Variants in ARSG observed in about 807,000 individuals in gnomAD.
ARSG encodes the protein arylsulfatase G, also known as ASG.
In ARSG, 37 loss-of-function variants were observed where a neutral mutation model predicts 50.5. That is an observed-to-expected ratio of 0.73 (90% CI 0.56 to 0.96). ARSG has a LOEUF of 0.96. Among genes scored for constraint, ARSG ranks in the 50% least tolerant of loss-of-function variants. The pLI, the probability that ARSG is intolerant of heterozygous loss-of-function variation, is 0.00. For synonymous variants in ARSG, 225 were observed against 254.6 expected (o/e 0.88, Z 1.11); for missense variants, 629 against 675.3 (o/e 0.93, Z 0.76).
chr17:68,372,920 C>A (rs1426336613), intron 8 of ARSG, among the ~76,000 whole-genome samples: 1 of 135,034 alleles, frequency 7.4e-6, no homozygotes, highest in Non-Finnish European at 1.5e-5. Flanking sequence ...GAGACAGAGT[C>A]CCACTCTGTC....
chr17:68,368,591 A>G lies in ARSG; in HGVS notation c.748A>G (p.Met250Val), dbSNP rs755291918. Residue 250 changes from methionine (M) to valine (V), a missense_variant, in exon 7 of 12, where the codon ATG (methionine) becomes GTG (valine). Physicochemically the swap from Met to Val is conservative, Grantham distance 21. Transcript: ENST00000621439. ...CCTGCTCTATGTGGCTCTGGCCCACATGCACGTGCCCTTACCTGTGACTCA... is the reference window on the plus strand; with the variant it reads ...CCTGCTCTATGTGGCTCTGGCCCACGTGCACGTGCCCTTACCTGTGACTCA... The part of the protein sequence containing the change: ...PFLLYVALAH[M>V]HVPLPVTQLP... The G allele has an allele frequency of 3.1e-5, 50 of 1,614,048 alleles. No individual in the cohort carries two copies. The highest frequency in any genetic ancestry group is 3.1e-5 in the Non-Finnish European group (37 of 1,180,022).
chr17:68,335,789 C>T (rs542280423), intron 2 of ARSG, among the ~76,000 whole-genome samples: 4 of 152,248 alleles, frequency 2.6e-5, no homozygotes, highest in East Asian at 1.9e-4. Flanking sequence ...GGGAGAACAG[C>T]GTGTGCGAAG....
At chr17:68,297,462 T>C (rs2076247016) in intron 1 of ARSG, among the ~76,000 whole-genome samples, 1 of 152,200 alleles carries the variant, frequency 6.6e-6, no homozygotes, top group South Asian at 2.1e-4. Context: ...CTTTGCCTTG[T>C]TTGTGACTAT....
chr17:68,346,106 C>T (rs1191200164), intron 3 of ARSG, among the ~76,000 whole-genome samples: 1 of 152,066 alleles, frequency 6.6e-6, no homozygotes, highest in Non-Finnish European at 1.5e-5. Context: ...AAACTCCTGG[C>T]CTCATGTGAT....
intron 5 of ARSG, among the ~76,000 whole-genome samples, chr17:68,354,991 A>G (rs942131255): frequency 2.6e-5 from 4 of 152,198 alleles, no homozygotes; most frequent in Non-Finnish European, 5.9e-5. Flanking sequence ...ATTTCTTCAC[A>G]AATCCTTCCC....
At position 68,353,874 on chromosome 17, in the gene ARSG, G is replaced by A. The variant is rs575758788; in HGVS notation, c.566+2188G>A. Among the ~76,000 whole-genome samples the A allele has an allele frequency of 2.6e-5, 4 of 151,934 alleles. No homozygotes were observed. The East Asian group carries it at 7.8e-4, about 30-fold the overall frequency. Reference sequence around the variant, plus strand: ...GTGTTACCATGCCTGGCTGAGTTTTGTATTTTTAGTAGAGATGGGGTTTCA... The same window carrying A: ...GTGTTACCATGCCTGGCTGAGTTTTATATTTTTAGTAGAGATGGGGTTTCA... On this transcript the variant is annotated intron_variant, in intron 5 of 11. Coordinates refer to ENST00000621439, the MANE Select transcript of ARSG (RefSeq NM_001267727.2).
intron 2 of ARSG, among the ~76,000 whole-genome samples, chr17:68,316,339 T>C (rs537830897): frequency 1.3e-5 from 2 of 152,362 alleles, no homozygotes; most frequent in South Asian, 4.1e-4. Flanking sequence ...CCTGTATCAC[T>C]GTTGAAATGA....
intron 11 of ARSG, among the ~76,000 whole-genome samples, chr17:68,408,224 T>G (rs987624284): frequency 6.6e-6 from 1 of 151,464 alleles, no homozygotes; most frequent in Non-Finnish European, 1.5e-5. Context: ...GCTGCACCCA[T>G]TAACTCGTCA....
At chr17:68,424,383 T>C (rs1334231640), downstream of ARSG, 3 of 525,506 alleles carry the variant, frequency 5.7e-6, no homozygotes, top group Non-Finnish European at 1.2e-5. Context: ...CTAAGCCAAA[T>C]GTGCTCACTA....
intron 2 of ARSG, among the ~76,000 whole-genome samples, chr17:68,337,830 T>C (rs1425311731): frequency 6.6e-6 from 1 of 152,110 alleles, no homozygotes; most frequent in Non-Finnish European, 1.5e-5. Context: ...TTGGTCAGGC[T>C]GGTCTCGAAC....
chr17:68,299,063 AT>A (rs1391177017), intron 1 of ARSG, among the ~76,000 whole-genome samples: 6 of 148,722 alleles, frequency 4.0e-5, no homozygotes, highest in Admixed American at 4.0e-4. Context: ...AAAGTTTCCT[AT>A]TCTCATGCAA....
chr17:68,379,847 T>C lies in ARSG; in HGVS notation c.983-5217T>C, dbSNP rs1350902712. On this transcript the variant is annotated intron_variant, in intron 8 of 11. Coordinates refer to ENST00000621439, the MANE Select transcript of ARSG (RefSeq NM_001267727.2). ...ATCTCTGCTATTTTCTCCCTACAGGTAATTTGGTTGGCACTTCTCTGGCAG... is the reference window on the plus strand; with the variant it reads ...ATCTCTGCTATTTTCTCCCTACAGGCAATTTGGTTGGCACTTCTCTGGCAG... 4 of 985,202 alleles carry C rather than the reference T, an allele frequency of 4.1e-6. No homozygotes were observed. In the South Asian group the frequency reaches 1.4e-4, roughly 35 times the overall value. The allele number at this position is 985,202 out of a possible 1,614,324, so 61.0% of individuals were successfully genotyped here.
chr17:68,372,288 C>T (rs1274890895), intron 8 of ARSG, among the ~76,000 whole-genome samples: 7 of 152,070 alleles, frequency 4.6e-5, no homozygotes, highest in Non-Finnish European at 8.8e-5. Flanking sequence ...ATCTATCTAT[C>T]AATTGATCGA....
chr17:68,422,977 A>T (rs1007442953), downstream of ARSG, among the ~76,000 whole-genome samples: 2 of 152,156 alleles, frequency 1.3e-5, no homozygotes, highest in Admixed American at 6.5e-5. Context: ...GGCAAGCGTG[A>T]TCCTACGCAG....
At chr17:68,310,337 T>TGAAGA (rs1555766290) in intron 2 of ARSG, among the ~76,000 whole-genome samples, 1 of 152,172 alleles carries the variant, frequency 6.6e-6, no homozygotes, top group African/African-American at 2.4e-5. Context: ...AGATGGCCTT[T>TGAAGA]GAAGAGCAAA....
chr17:68,332,614 A>C (rs1181474241), intron 2 of ARSG, among the ~76,000 whole-genome samples: 1 of 152,238 alleles, frequency 6.6e-6, no homozygotes, highest in Non-Finnish European at 1.5e-5. Flanking sequence ...GGGAACTAAT[A>C]AATGTCCATG....
intron 2 of ARSG, among the ~76,000 whole-genome samples, chr17:68,333,317 G>A (rs536450173): frequency 4.1e-5 from 6 of 145,494 alleles, no homozygotes; most frequent in African/African-American, 7.7e-5. Context: ...GCGAGACTCC[G>A]TCTCAAAAAA....
intron 1 of ARSG, among the ~76,000 whole-genome samples, chr17:68,294,842 C>T (rs533526303): frequency 4.6e-5 from 7 of 152,220 alleles, no homozygotes; most frequent in Admixed American, 6.5e-5. Flanking sequence ...GTTCCTCCCC[C>T]GCAGCACCCC....
chr17:68,425,968 G>A, downstream of ARSG: 1 of 829,792 alleles, frequency 1.2e-6, no homozygotes, highest in Non-Finnish European at 2.0e-6. Context: ...AGAATTAGTT[G>A]TTATAGATTA....
Sources: gnomAD v4.1 joint callset for allele counts (sites outside exome capture counted in the v4.1 genomes callset) on GRCh38, gnomAD v4.1.1 for gene constraint, MANE v1.5 for transcripts, NCBI Gene and HGNC (gene_info 2026-07-23, HGNC 2026-07-21) for gene names.